The following SEC22C variants were observed in gnomAD, a reference collection of about 807,000 sequenced individuals.
SEC22C encodes vesicle-trafficking protein SEC22c.
SEC22C carries 29 observed loss-of-function variants against 34.7 expected under a neutral mutation model. The ratio of observed to expected loss-of-function variants is 0.84; its 90% confidence interval spans 0.62 to 1.14. SEC22C has a LOEUF of 1.14. Among genes scored for constraint, SEC22C ranks in the 50% most tolerant of loss-of-function variants. The probability of loss-of-function intolerance (pLI) is 0.00; values close to 1 mark genes in which losing one functional copy is unlikely to be tolerated. For missense variants in SEC22C, 337 were observed against 369.0 expected (o/e 0.91, Z 0.71); for synonymous variants, 117 against 132.8 (o/e 0.88, Z 0.82).
At position 42,563,660 on chromosome 3, in the gene SEC22C, C is replaced by T. The variant is rs779180615; in HGVS notation, c.209G>A (p.Cys70Tyr). 1.2e-6 allele frequency: 2 copies of T among 1,614,038 alleles called. No homozygotes were observed. The highest frequency in any genetic ancestry group is 4.5e-5 in the East Asian group (2 of 44,876). Residue 70 changes from cysteine (C) to tyrosine (Y), a missense_variant, in exon 3 of 7, where the codon TGC (cysteine) becomes TAC (tyrosine). Cys to Tyr is a radical substitution (Grantham distance 194). Coordinates refer to ENST00000264454, the MANE Select transcript of SEC22C (RefSeq NM_032970.4). ...IHFSSFGDVA[C>Y]MAICSCQCPA... ...ACACTGGCAGGAGCAGATAGCCATG[C>T]AGGCCACGTCCCCGAAAGAAGAAAA... is the stretch of plus-strand genomic sequence containing the variant.
intron 3 of SEC22C, among the ~76,000 whole-genome samples, chr3:42,563,112 T>C (rs900484407): frequency 7.2e-5 from 11 of 152,228 alleles, no homozygotes; most frequent in African/African-American, 2.2e-4. Context: ...GGTGGCTACA[T>C]GGTCTCTGTC....
chr3:42,573,592 G>A (rs1045009524), intron 1 of SEC22C: 1 of 152,140 alleles, frequency 6.6e-6, no homozygotes. Flanking sequence ...CTAATGCTTT[G>A]GGAGGCCAAG....
At position 42,548,377 on chromosome 3, in the gene SEC22C, T is replaced by C. The variant is rs1234267256; in HGVS notation, c.*4871A>G. The C allele has an allele frequency of 1.7e-6, 1 of 575,674 alleles. No individual in the cohort carries two copies. The highest frequency in any genetic ancestry group is 2.8e-5 in the East Asian group (1 of 35,118). 35.7% of individuals were successfully genotyped at this position (575,674 alleles called of 1,614,324 possible). A position where few individuals can be genotyped will look rare whatever the true frequency, so the allele number is the denominator to read the frequency against. ...AAAGGTCATATGTACTAAGCATGGG[T>C]CAGAGGAATAGAATGGATTTGTTAA... On this transcript the variant is annotated 3_prime_UTR_variant, in exon 7 of 7. Transcript: ENST00000264454.
chr3:42,557,653 G>A lies in SEC22C; in HGVS notation c.570C>T (p.Leu190=), dbSNP rs775373252. 2.5e-6 allele frequency: 4 copies of A among 1,605,992 alleles called. No homozygotes were observed. The Admixed American group carries it at 6.7e-5, about 27-fold the overall frequency. The change falls in exon 5 of 7, where the codon CTC becomes CTT. Residue 190 remains leucine, a synonymous_variant. Coordinates refer to ENST00000264454, the MANE Select transcript of SEC22C (RefSeq NM_032970.4). ...RMEPVTALGI[L]SLILNIMCAA... Reference sequence around the variant, plus strand: ...CACACATGATGTTGAGAATGAGGGAGAGGATACCCAGGGCTGTCACTGGTT... The same window carrying A: ...CACACATGATGTTGAGAATGAGGGAAAGGATACCCAGGGCTGTCACTGGTT...
At chr3:42,574,718 G>A (rs1200750421) in intron 1 of SEC22C, among the ~76,000 whole-genome samples, 1 of 152,084 alleles carries the variant, frequency 6.6e-6, no homozygotes, top group Admixed American at 6.6e-5. Context: ...AAACACATCA[G>A]GAGACCACAA....
Position 42,557,616 on chromosome 3 carries a change from G to A in SEC22C, c.607C>T (p.Leu203Phe). Reference sequence around the variant, plus strand: ...TCTGCAAGGTGAACTCCTCGAATGAGATTCAGGGCAGCACACATGATGTTG... The same window carrying A: ...TCTGCAAGGTGAACTCCTCGAATGAAATTCAGGGCAGCACACATGATGTTG... ...ILNIMCAALNLIRGVHLAEHS... is the reference protein window; with the variant it reads ...ILNIMCAALNFIRGVHLAEHS... The change falls in exon 5 of 7, where the codon CTC becomes TTC. Residue 203 changes from leucine to phenylalanine, a missense_variant. Transcript: ENST00000264454. The A allele has an allele frequency of 1.2e-6, 2 of 1,604,930 alleles. No homozygotes were observed. The highest frequency in any genetic ancestry group is 1.7e-6 in the Non-Finnish European group (2 of 1,174,650).
chr3:42,591,098 G>T, intron 1 of SEC22C: 1 of 1,019,398 alleles, frequency 9.8e-7, no homozygotes, highest in East Asian at 2.6e-5. Flanking sequence ...CCGGGGTGCG[G>T]GGTGAGATGG....
chr3:42,585,182 T>C (rs1262377539), upstream of SEC22C, among the ~76,000 whole-genome samples: 3 of 152,126 alleles, frequency 2.0e-5, no homozygotes, highest in East Asian at 5.8e-4. Flanking sequence ...GGAATTGGGC[T>C]CTCAAAACTT....
chr3:42,591,400 G>T, intron 1 of SEC22C: 1 of 700,380 alleles, frequency 1.4e-6, no homozygotes, highest in Non-Finnish European at 2.5e-6. Flanking sequence ...TCCCCATGTT[G>T]GCCAGGCTAG....
intron 1 of SEC22C, among the ~76,000 whole-genome samples, chr3:42,577,284 T>A (rs2125723613): frequency 6.6e-6 from 1 of 152,274 alleles, no homozygotes; most frequent in African/African-American, 2.4e-5. Flanking sequence ...CACTTTTCAA[T>A]TTTGCTTCTC....
intron 1 of SEC22C, chr3:42,591,201 C>CATTTT: frequency 8.2e-6 from 4 of 487,886 alleles, no homozygotes; most frequent in East Asian, 3.6e-5. Flanking sequence ...CCTTTCTCTC[C>CATTTT]TTTTTTTTTT....
At chr3:42,590,585 CAA>C (rs1211821938) in intron 1 of SEC22C, among the ~76,000 whole-genome samples, 9 of 134,764 alleles carry the variant, frequency 6.7e-5, no homozygotes, top group Non-Finnish European at 8.1e-5. Flanking sequence ...GACTCCATCT[CAA>C]AAAAAAAAAA....
chr3:42,568,784 C>T, intron 2 of SEC22C, 81 bp downstream of exon 2: 1 of 1,130,788 alleles, frequency 8.8e-7, no homozygotes, highest in Non-Finnish European at 1.3e-6. Flanking sequence ...ACAATGTGAT[C>T]AGCATAAGAT....
At position 42,549,512 on chromosome 3, in the gene SEC22C, G is replaced by T. The variant is rs1467380352; in HGVS notation, c.*3736C>A. 2.0e-6 allele frequency: 2 copies of T among 985,436 alleles called. No homozygotes were observed. Among genetic ancestry groups the T allele is most frequent in the South Asian group, 4.7e-5 (1 of 21,286 alleles). The allele number at this position is 985,436 out of a possible 1,614,324, so 61.0% of individuals were successfully genotyped here. Reference sequence around the variant, plus strand: ...TCCTGTGCCTCACACAGCCAGCCTTGCTGGCCTGCTGGCTATTGTCTCTGA... The same window carrying T: ...TCCTGTGCCTCACACAGCCAGCCTTTCTGGCCTGCTGGCTATTGTCTCTGA... On this transcript the variant is annotated 3_prime_UTR_variant, in exon 7 of 7. Coordinates refer to ENST00000264454, the MANE Select transcript of SEC22C (RefSeq NM_032970.4).
chr3:42,600,717 G>C (rs1577388695), intron 1 of SEC22C: 1 of 276,926 alleles, frequency 3.6e-6, no homozygotes, highest in East Asian at 6.4e-5. Context: ...TTGGGGTTTG[G>C]CTGCAGTGGC....
intron 1 of SEC22C, among the ~76,000 whole-genome samples, chr3:42,575,394 T>G (rs1703897960): frequency 6.6e-6 from 1 of 152,168 alleles, no homozygotes; most frequent in African/African-American, 2.4e-5. Context: ...GAAATTCACT[T>G]CCAGTATAAC....
At chr3:42,599,418 C>T (rs1320860130) in intron 1 of SEC22C, among the ~76,000 whole-genome samples, 1 of 151,302 alleles carries the variant, frequency 6.6e-6, no homozygotes, top group African/African-American at 2.4e-5. Flanking sequence ...TCAGGCCGGG[C>T]GCGGTGGCTC....
chr3:42,590,480 A>G (rs546573140), intron 1 of SEC22C, among the ~76,000 whole-genome samples: 3 of 152,128 alleles, frequency 2.0e-5, no homozygotes, highest in Non-Finnish European at 4.4e-5. Flanking sequence ...ACAAAAAATT[A>G]GACGGGCGTG....
At chr3:42,587,941 T>C (rs993335764) in intron 1 of SEC22C, among the ~76,000 whole-genome samples, 1 of 149,204 alleles carries the variant, frequency 6.7e-6, no homozygotes, top group Non-Finnish European at 1.5e-5. Context: ...GGCGTGGTGG[T>C]GCATGCCTGT....
Sources: allele counts gnomAD v4.1 joint callset (sites outside exome capture counted in the v4.1 genomes callset), GRCh38; gene constraint gnomAD v4.1.1; transcripts MANE v1.5; gene names NCBI Gene and HGNC (gene_info 2026-07-23, HGNC 2026-07-21).